Variants in MARCHF1 observed in about 807,000 individuals in gnomAD.
The protein encoded by MARCHF1 is E3 ubiquitin-protein ligase MARCHF1.
A neutral mutation model predicts 54.2 loss-of-function variants in MARCHF1; 40 were observed. The observed-to-expected ratio is 0.74, with a 90% CI of 0.57 to 0.96. MARCHF1 has a LOEUF of 0.96. MARCHF1 is among the 40% of genes least tolerant of loss of function. The pLI is 0.00. For synonymous variants in MARCHF1, 236 were observed against 236.3 expected, an observed-to-expected ratio of 1.00 and a Z score of 0.01; for missense variants, 586 against 656.5, an observed-to-expected ratio of 0.89 and a Z score of 1.17.
chr4:164,331,722 CAAGACAAATTTT>C (rs1377786097), intron 1 of MARCHF1, among the ~76,000 whole-genome samples: 2 of 152,062 alleles, frequency 1.3e-5, no homozygotes. Flanking sequence ...TAATAATTCT[CAAGACAAATTTT>C]AAGTATGCTG....
intron 5 of MARCHF1, among the ~76,000 whole-genome samples, chr4:163,637,750 C>T (rs1268420694): frequency 6.6e-6 from 1 of 151,662 alleles, no homozygotes; most frequent in African/African-American, 2.4e-5. Flanking sequence ...TGGGTATATA[C>T]CCAAAGGACT....
chr4:163,553,417 CTTCTGTT>C (rs1457351852), intron 8 of MARCHF1, among the ~76,000 whole-genome samples: 1 of 152,194 alleles, frequency 6.6e-6, no homozygotes, highest in Non-Finnish European at 1.5e-5. Flanking sequence ...CTGTTCCCCA[CTTCTGTT>C]TTCTAAGTAC....
In MARCHF1 at chr4:163,613,206, A is replaced by G. The variant is rs548012616; in HGVS notation, c.242+108T>C. 2.0e-4 allele frequency: 268 copies of G among 1,340,446 alleles called. 2 individuals are homozygous for G. In the South Asian group the frequency reaches 3.9e-3, roughly 19 times the overall value. The allele number at this position is 1,340,446 out of a possible 1,614,324, so 83.0% of individuals were successfully genotyped here. A position where few individuals can be genotyped will look rare whatever the true frequency, so the allele number is the denominator to read the frequency against. ...AAAAAATAGCCAGTATAAATTTTCT[A>G]TGGACCATGTAAAGCAGAAGCAAGA... On this transcript the variant is annotated intron_variant, in intron 6 of 9. Coordinates refer to ENST00000514618, the MANE Select transcript of MARCHF1 (RefSeq NM_001394959.1).
chr4:163,878,822 CCAGCAATTGCAGA>C (rs1560800547), intron 3 of MARCHF1, among the ~76,000 whole-genome samples: 1 of 152,062 alleles, frequency 6.6e-6, no homozygotes, highest in Non-Finnish European at 1.5e-5. Context: ...TTATTTTGTA[CCAGCAATTGCAGA>C]GTAATTAGGT....
At chr4:164,351,886 C>G (rs1730350926) in intron 1 of MARCHF1, among the ~76,000 whole-genome samples, 1 of 151,300 alleles carries the variant, frequency 6.6e-6, no homozygotes, top group Non-Finnish European at 1.5e-5. Context: ...GAATGTATAA[C>G]TAGAAGAACC....
chr4:163,889,567 G>A (rs1750609610), intron 3 of MARCHF1, among the ~76,000 whole-genome samples: 1 of 151,522 alleles, frequency 6.6e-6, no homozygotes, highest in Non-Finnish European at 1.5e-5. Flanking sequence ...GAGAAAAGAA[G>A]TAAAGACAAT....
chr4:164,078,335 A>G (rs1403864451), intron 2 of MARCHF1, among the ~76,000 whole-genome samples: 1 of 152,166 alleles, frequency 6.6e-6, no homozygotes, highest in Non-Finnish European at 1.5e-5. Context: ...CAATGAGAAC[A>G]CATGGACACA....
chr4:164,242,676 C>T (rs1732809876), intron 1 of MARCHF1, among the ~76,000 whole-genome samples: 1 of 152,150 alleles, frequency 6.6e-6, no homozygotes, highest in South Asian at 2.1e-4. Context: ...GATCAAATTA[C>T]TCTGAGCTAC....
chr4:163,992,729 T>C (rs1272553966), intron 2 of MARCHF1, among the ~76,000 whole-genome samples: 1 of 149,750 alleles, frequency 6.7e-6, no homozygotes, highest in Admixed American at 6.7e-5. Flanking sequence ...ATGAGCAATA[T>C]AAAATTTTAT....
chr4:163,843,100 T>C (rs1297397934), intron 4 of MARCHF1, among the ~76,000 whole-genome samples: 5 of 152,256 alleles, frequency 3.3e-5, no homozygotes, highest in South Asian at 2.1e-4. Flanking sequence ...GCTGCTTATA[T>C]GTGTGAATAT....
chr4:164,024,717 G>A (rs1324500691), intron 2 of MARCHF1, among the ~76,000 whole-genome samples: 3 of 152,020 alleles, frequency 2.0e-5, no homozygotes, highest in Non-Finnish European at 4.4e-5. Context: ...TAAGATGACA[G>A]GATCAAAATC....
rs1321647852 is a variant in MARCHF1 at position 164,012,605 on chromosome 4, T to C, written c.-247-23896A>G. 2.0e-5 allele frequency among the ~76,000 whole-genome samples: 3 copies of C among 152,048 alleles called. No homozygotes were observed. In the South Asian group the frequency reaches 6.2e-4, roughly 32 times the overall value. On this transcript the variant is annotated intron_variant, in intron 2 of 9. Transcript: ENST00000514618. ...AGTATTTTGCTGCTCTGTAAAAATT[T>C]GGATGTGACCCTGAACAGTGCCAGC...
Position 163,528,884 on chromosome 4 carries a change from G to A in MARCHF1, c.1502C>T (p.Ala501Val), listed in dbSNP as rs1437339878. 6.2e-7 allele frequency: 1 copy of A among 1,613,228 alleles called. No homozygotes were observed. The highest frequency in any genetic ancestry group is 8.5e-7 in the Non-Finnish European group (1 of 1,179,532). The change falls in exon 10 of 10, where the codon GCC becomes GTC. Residue 501 changes from alanine to valine, a missense_variant. Ala to Val is a moderately conservative substitution (Grantham distance 64). Transcript: ENST00000514618. ...VIFVQNCPDTAKKLEKNFSCN... is the reference protein window; with the variant it reads ...VIFVQNCPDTVKKLEKNFSCN... ...TGAGAAGTTCTTCTCCAGTTTTTTG[G>A]CAGTGTCTGGGCAATTTTGTACAAA... is the stretch of plus-strand genomic sequence containing the variant.
intron 4 of MARCHF1, among the ~76,000 whole-genome samples, chr4:163,739,775 T>G (rs1259900703): frequency 1.3e-5 from 2 of 152,174 alleles, no homozygotes; most frequent in Non-Finnish European, 2.9e-5. Context: ...CTTCACCCTT[T>G]TATGTTAAGA....
At chr4:164,313,048 C>T (rs893169903) in intron 1 of MARCHF1, among the ~76,000 whole-genome samples, 4 of 150,704 alleles carry the variant, frequency 2.7e-5, no homozygotes, top group African/African-American at 7.4e-5. Context: ...TCTTTAAAAA[C>T]GTGTAGGCTG....
At chr4:164,242,352 C>G (rs1004381196) in intron 1 of MARCHF1, among the ~76,000 whole-genome samples, 15 of 147,168 alleles carry the variant, frequency 1.0e-4, no homozygotes, top group Admixed American at 4.1e-4. Flanking sequence ...TGGGAGGCAA[C>G]CCCCAGCAGG....
intron 8 of MARCHF1, among the ~76,000 whole-genome samples, chr4:163,546,951 TAAA>T (rs1738932675): frequency 6.6e-6 from 1 of 152,228 alleles, no homozygotes; most frequent in Non-Finnish European, 1.5e-5. Context: ...TTCTTTCCAT[TAAA>T]AAATTACAGT....
At chr4:164,378,753 C>T (rs2001632) in intron 1 of MARCHF1, among the ~76,000 whole-genome samples, 78,653 of 152,066 alleles carry the variant, frequency 0.52, 21,303 homozygotes, top group East Asian at 0.65. Flanking sequence ...ACTCTGTCAC[C>T]GAGGCTGGAG....
At chr4:163,640,283 A>G (rs1242696895) in intron 5 of MARCHF1, among the ~76,000 whole-genome samples, 2 of 152,146 alleles carry the variant, frequency 1.3e-5, no homozygotes, top group African/African-American at 4.8e-5. Context: ...AGGATTGTCA[A>G]TAAGGAGTTA....
Sources: allele counts gnomAD v4.1 joint callset (sites outside exome capture counted in the v4.1 genomes callset), GRCh38; gene constraint gnomAD v4.1.1; transcripts MANE v1.5; gene names NCBI Gene and HGNC (gene_info 2026-07-23, HGNC 2026-07-21).